Variants in MAPK8 observed in about 807,000 individuals in gnomAD.
MAPK8 encodes mitogen-activated protein kinase 8, also known as JUN N-terminal kinase.
MAPK8 carries 13 observed loss-of-function variants against 52.9 expected under a neutral mutation model. The observed-to-expected ratio is 0.25, with a 90% CI of 0.16 to 0.39. MAPK8 has a LOEUF of 0.39. Among genes scored for constraint, MAPK8 ranks in the 10% least tolerant of loss-of-function variants. The pLI is 1.00. For missense variants in MAPK8, 300 were observed against 519.2 expected (o/e 0.58, Z 4.10); for synonymous variants, 191 against 169.8 (o/e 1.12, Z -0.97).
At chr10:48,351,658 A>G (rs1846341344) in intron 1 of MAPK8, among the ~76,000 whole-genome samples, 1 of 152,234 alleles carries the variant, frequency 6.6e-6, no homozygotes, top group Non-Finnish European at 1.5e-5. Flanking sequence ...ACTGAAAAAT[A>G]CAGTAACCAA....
At chr10:48,336,085 G>A (rs1214706354) in intron 1 of MAPK8, among the ~76,000 whole-genome samples, 1 of 152,034 alleles carries the variant, frequency 6.6e-6, no homozygotes, top group Non-Finnish European at 1.5e-5. Context: ...TCTGTATCAG[G>A]TATTTGACGG....
At chr10:48,316,323 G>C (rs1304404850) in intron 1 of MAPK8, among the ~76,000 whole-genome samples, 2 of 152,200 alleles carry the variant, frequency 1.3e-5, no homozygotes, top group Admixed American at 6.5e-5. Flanking sequence ...TCGTAGCCTA[G>C]GGTCAGTAGG....
At chr10:48,425,839 T>C in intron 7 of MAPK8, 49 bp from the exon 8 acceptor site, 1 of 343,394 alleles carries the variant, frequency 2.9e-6, no homozygotes, top group Non-Finnish European at 4.7e-6. Context: ...ATATGACTAA[T>C]GTATTGAACA....
intron 1 of MAPK8, among the ~76,000 whole-genome samples, chr10:48,385,745 T>C (rs1369003275): frequency 6.6e-6 from 1 of 152,202 alleles, no homozygotes; most frequent in East Asian, 1.9e-4. Context: ...AACTTTTTAC[T>C]TGTCTTGCAA....
chr10:48,312,437 C>T (rs1004414559), intron 1 of MAPK8, among the ~76,000 whole-genome samples: 4 of 152,178 alleles, frequency 2.6e-5, no homozygotes, highest in Non-Finnish European at 5.9e-5. Context: ...TATAGTCCTC[C>T]AGTACTGCCT....
intron 1 of MAPK8, among the ~76,000 whole-genome samples, chr10:48,307,365 G>A (rs1195202153): frequency 6.6e-6 from 1 of 152,210 alleles, no homozygotes; most frequent in Admixed American, 6.5e-5. Flanking sequence ...GCGCTGAAAA[G>A]GGCCAGAGTG....
At chr10:48,325,901 G>A (rs1843471120) in intron 1 of MAPK8, 2 of 152,218 alleles carry the variant, frequency 1.3e-5, no homozygotes, top group South Asian at 4.2e-4. Context: ...TTTTAGACTG[G>A]CCTTATGGGT....
intron 5 of MAPK8, among the ~76,000 whole-genome samples, chr10:48,413,098 T>C (rs996414844): frequency 2.6e-5 from 4 of 152,250 alleles, no homozygotes; most frequent in African/African-American, 9.6e-5. Context: ...TCAAGGTTTA[T>C]CCATGTTGTA....
chr10:48,360,643 C>T (rs1465561807), intron 1 of MAPK8, among the ~76,000 whole-genome samples: 1 of 152,100 alleles, frequency 6.6e-6, no homozygotes, highest in Non-Finnish European at 1.5e-5. Flanking sequence ...TGAACTACAG[C>T]CACACACACT....
intron 1 of MAPK8, among the ~76,000 whole-genome samples, chr10:48,367,782 C>G (rs142362242): frequency 4.3e-4 from 66 of 152,160 alleles, no homozygotes; most frequent in African/African-American, 1.5e-3. Flanking sequence ...ACGAAAGATA[C>G]CATTTCTTGG....
At position 48,435,049 on chromosome 10, in the gene MAPK8, GTGGGA is replaced by G; in HGVS notation, c.*21_*25del. ...AGATGACTACTTGGGCCATCGGGGG[GTGGGA>G]GGGATGGGGAGTCGGTTAGTCATTG... On this transcript the variant is annotated 3_prime_UTR_variant, in exon 12 of 12. Transcript: ENST00000374189. The G allele has an allele frequency of 3.4e-6, 5 of 1,463,296 alleles. No individual in the cohort carries two copies. The highest frequency in any genetic ancestry group is 1.4e-5 in the African/African-American group (1 of 69,988). 90.6% of individuals were successfully genotyped at this position (1,463,296 alleles called of 1,614,324 possible). A position where few individuals can be genotyped will look rare whatever the true frequency, so the allele number is the denominator to read the frequency against.
At chr10:48,405,106 G>GATATATATATAT (rs10657070) in intron 3 of MAPK8, 125 bp downstream of exon 3, 55 of 235,294 alleles carry the variant, frequency 2.3e-4, no homozygotes, top group African/African-American at 5.9e-4. Flanking sequence ...GTTTAAAAGG[G>GATATATATATAT]ATATATATAT....
At chr10:48,363,151 C>T (rs777170958) in intron 1 of MAPK8, among the ~76,000 whole-genome samples, 9 of 151,640 alleles carry the variant, frequency 5.9e-5, no homozygotes, top group Non-Finnish European at 1.0e-4. Context: ...GGCGTCTAGC[C>T]ATCCTCACGC....
chr10:48,309,883 A>G (rs1216015537), intron 1 of MAPK8, among the ~76,000 whole-genome samples: 6 of 152,230 alleles, frequency 3.9e-5, no homozygotes, highest in Admixed American at 1.3e-4. Flanking sequence ...CATGTGGTCC[A>G]AGGAAGTCAT....
At chr10:48,327,124 G>A (rs1429110152) in intron 1 of MAPK8, among the ~76,000 whole-genome samples, 2 of 152,120 alleles carry the variant, frequency 1.3e-5, no homozygotes, top group East Asian at 1.9e-4. Context: ...GGAGTAATGG[G>A]AGGAGACATT....
chr10:48,345,617 T>C (rs938221519), intron 1 of MAPK8, among the ~76,000 whole-genome samples: 1 of 152,246 alleles, frequency 6.6e-6, no homozygotes, highest in African/African-American at 2.4e-5. Context: ...TCCATAGTTT[T>C]ACCTATTATT....
At chr10:48,307,520 C>T (rs1393158365) in intron 1 of MAPK8, among the ~76,000 whole-genome samples, 1 of 152,148 alleles carries the variant, frequency 6.6e-6, no homozygotes, top group Non-Finnish European at 1.5e-5. Context: ...TTTCACCCCA[C>T]CCTCCCATCT....
At chr10:48,361,216 T>G (rs1847491668) in intron 1 of MAPK8, among the ~76,000 whole-genome samples, 1 of 152,206 alleles carries the variant, frequency 6.6e-6, no homozygotes, top group Non-Finnish European at 1.5e-5. Flanking sequence ...TGTTGCATAT[T>G]ACCCCTGATC....
At chr10:48,377,306 T>A (rs1176089132) in intron 1 of MAPK8, among the ~76,000 whole-genome samples, 1 of 151,986 alleles carries the variant, frequency 6.6e-6, no homozygotes, top group African/African-American at 2.4e-5. Flanking sequence ...CATGTATACC[T>A]ATGTAACAGA....
Sources: allele counts gnomAD v4.1 joint callset (sites outside exome capture counted in the v4.1 genomes callset), GRCh38; gene constraint gnomAD v4.1.1; transcripts MANE v1.5; gene names NCBI Gene and HGNC (gene_info 2026-07-23, HGNC 2026-07-21).